Variants in EIF3L observed in about 807,000 individuals in gnomAD.
The protein encoded by EIF3L is eIEF associated protein HSPC021.
A neutral mutation model predicts 74.6 loss-of-function variants in EIF3L; 32 were observed. The observed-to-expected ratio is 0.43, with a 90% CI of 0.32 to 0.58. The LOEUF is 0.58. Ranked by LOEUF, EIF3L falls within the 20% of genes least tolerant of loss-of-function variation. The probability of loss-of-function intolerance (pLI) is 0.06; values close to 1 mark genes in which losing one functional copy is unlikely to be tolerated. For synonymous variants in EIF3L, 256 were observed against 254.4 expected (o/e 1.01, Z -0.06); for missense variants, 474 against 707.8 (o/e 0.67, Z 3.75).
chr22:37,886,621 G>C, intron 11 of EIF3L, 144 bp from the exon 12 acceptor site: 5 of 543,372 alleles, frequency 9.2e-6, no homozygotes, highest in Non-Finnish European at 1.6e-5. Flanking sequence ...CTGTTAACTG[G>C]TGGTGTTTTT....
chr22:37,855,495 T>G, intron 3 of EIF3L, 70 bp from the exon 4 acceptor site: 2 of 1,413,966 alleles, frequency 1.4e-6, no homozygotes, highest in Non-Finnish European at 2.0e-6. Context: ...TGGGTCCTCA[T>G]CTGTAAAATG....
In EIF3L at chr22:37,877,833, T is replaced by C. The variant is rs1926834301; in HGVS notation, c.1237T>C (p.Phe413Leu). Reference sequence around the variant, plus strand: ...TGACCCACAAGTCTATGAAGAACTTTTCAGTTACTCCTGCCCCAAGTTCCT... The same window carrying C: ...TGACCCACAAGTCTATGAAGAACTTCTCAGTTACTCCTGCCCCAAGTTCCT... ...KGDPQVYEEL[F>L]SYSCPKFLSP... The change falls in exon 11 of 13, where the codon TTC becomes CTC. Residue 413 changes from phenylalanine to leucine, a missense_variant. By Grantham distance (22) the Phe-to-Leu change is conservative (BLOSUM62 0). This residue lies in a region of EIF3L where 293 missense variants were observed against 469.1 expected (regional missense o/e 0.62). Coordinates refer to ENST00000652021, the MANE Select transcript of EIF3L (RefSeq NM_016091.4). 4.3e-6 allele frequency: 7 copies of C among 1,613,876 alleles called. No homozygotes were observed. The highest frequency in any genetic ancestry group is 5.9e-6 in the Non-Finnish European group (7 of 1,179,874).
At chr22:37,858,219 C>CTTTTTTTTTTTTTTTTTTTTT (rs549425262) in intron 4 of EIF3L, among the ~76,000 whole-genome samples, 2 of 85,084 alleles carry the variant, frequency 2.4e-5, no homozygotes, top group African/African-American at 4.9e-5. Flanking sequence ...TTCTTTCTTC[C>CTTTTTTTTTTTTTTTTTTTTT]TTTTTTTTTT....
chr22:37,861,942 C>A (rs1170416005), intron 5 of EIF3L, among the ~76,000 whole-genome samples: 2 of 152,144 alleles, frequency 1.3e-5, no homozygotes, highest in Non-Finnish European at 2.9e-5. Context: ...GTTTTAAGCC[C>A]TTGGGAAGCA....
chr22:37,855,459 A>G (rs1208767020), intron 3 of EIF3L, 106 bp from the exon 4 acceptor site: 1 of 993,026 alleles, frequency 1.0e-6, no homozygotes, highest in Non-Finnish European at 1.5e-6. Context: ...AGCTCTGTTT[A>G]TTTGACATCT....
At chr22:37,876,072 T>G in intron 10 of EIF3L, 61 bp downstream of exon 10, 1 of 1,548,950 alleles carries the variant, frequency 6.5e-7, no homozygotes, top group Non-Finnish European at 8.8e-7. Flanking sequence ...TTGGCACCTA[T>G]GCCAACCATT....
Position 37,870,015 on chromosome 22 carries a change from T to G in EIF3L, c.580-161T>G, listed in dbSNP as rs1926386926. 9.5e-6 allele frequency: 5 copies of G among 525,938 alleles called. No individual in the cohort carries two copies. The East Asian group carries it at 1.6e-4, about 16-fold the overall frequency. The allele number at this position is 525,938 out of a possible 1,614,324, so 32.6% of individuals were successfully genotyped here. The stretch of plus-strand genomic sequence containing the variant: ...AATTCACAGTTTAGTCAAGATGGCT[T>G]TGAAAAACAGTGTACGGAATGGTTT... On this transcript the variant is annotated intron_variant, in intron 7 of 12. Transcript: ENST00000652021.
In EIF3L at chr22:37,867,871, C is replaced by T. The variant is rs542181354; in HGVS notation, c.580-2305C>T. ...TCAGGAGGCTGAGGCAGGAGAATGG[C>T]GTGAACCCAGGAGGCGGAGCTTGCA... On this transcript the variant is annotated intron_variant, in intron 7 of 12. Transcript: ENST00000652021. 2.4e-3 allele frequency among the ~76,000 whole-genome samples: 359 copies of T among 148,432 alleles called. 2 individuals are homozygous for T. The highest frequency in any genetic ancestry group is 3.8e-3 in the Non-Finnish European group (257 of 67,446).
At chr22:37,859,174 T>A (rs1327765567) in intron 5 of EIF3L, among the ~76,000 whole-genome samples, 1 of 151,632 alleles carries the variant, frequency 6.6e-6, no homozygotes, top group East Asian at 1.9e-4. Context: ...CATATCTAAT[T>A]CTACTATCAA....
chr22:37,883,296 CAA>C (rs111310614), intron 11 of EIF3L: 12 of 38,462 alleles, frequency 3.1e-4, no homozygotes, highest in Non-Finnish European at 3.9e-4. Context: ...AACTCCGTCT[CAA>C]AAAAAAAAAA....
At chr22:37,870,905 G>T (rs1055850328) in intron 8 of EIF3L, among the ~76,000 whole-genome samples, 3 of 152,008 alleles carry the variant, frequency 2.0e-5, no homozygotes, top group African/African-American at 7.3e-5. Flanking sequence ...CAGAAGGATC[G>T]CTTGAGTCCA....
At position 37,864,729 on chromosome 22, in the gene EIF3L, G is replaced by A. The variant is rs139546471; in HGVS notation, c.579+1384G>A. 5.9e-3 allele frequency among the ~76,000 whole-genome samples: 903 copies of A among 152,172 alleles called. 6 individuals are homozygous for A. The highest frequency in any genetic ancestry group is 0.021 in the African/African-American group (871 of 41,502). ...AATTTTTGTATTTTTAGTAGAGACGGGGTTTCTCCATGTTGACCAGGCTGG... is the reference window on the plus strand; with the variant it reads ...AATTTTTGTATTTTTAGTAGAGACGAGGTTTCTCCATGTTGACCAGGCTGG... On this transcript the variant is annotated intron_variant, in intron 7 of 12. Transcript: ENST00000652021.
chr22:37,859,360 A>G (rs1331768640), intron 5 of EIF3L, among the ~76,000 whole-genome samples: 2 of 127,076 alleles, frequency 1.6e-5, no homozygotes, highest in Non-Finnish European at 3.2e-5. Context: ...TAAATTATAG[A>G]GTACGTGAAG....
At chr22:37,862,746 A>T (rs1282983554) in intron 5 of EIF3L, among the ~76,000 whole-genome samples, 1 of 152,120 alleles carries the variant, frequency 6.6e-6, no homozygotes, top group Non-Finnish European at 1.5e-5. Context: ...TCTGAGGGTC[A>T]TTTAAGGTCT....
chr22:37,871,071 T>G (rs1926443545), intron 8 of EIF3L: 1 of 151,660 alleles, frequency 6.6e-6, no homozygotes, highest in African/African-American at 2.4e-5. Context: ...AAGATTGCAG[T>G]GAACTGAGAT....
At chr22:37,853,720 A>G (rs1182255590) in intron 3 of EIF3L, among the ~76,000 whole-genome samples, 1 of 152,238 alleles carries the variant, frequency 6.6e-6, no homozygotes, top group Non-Finnish European at 1.5e-5. Flanking sequence ...ATATGTAATC[A>G]GTATTTAAAA....
intron 7 of EIF3L, among the ~76,000 whole-genome samples, chr22:37,869,199 C>T (rs889617432): frequency 5.3e-5 from 8 of 152,208 alleles, no homozygotes; most frequent in Admixed American, 3.3e-4. Flanking sequence ...CACAACCTCA[C>T]CTCACTGTAG....
At chr22:37,849,888 C>A in intron 1 of EIF3L, 127 bp from the exon 2 acceptor site, 1 of 1,010,500 alleles carries the variant, frequency 9.9e-7, no homozygotes, top group Non-Finnish European at 1.5e-6. Flanking sequence ...GTGAGTTCCT[C>A]AAAGGCAGGC....
chr22:37,857,331 C>T (rs1925574553), intron 4 of EIF3L, among the ~76,000 whole-genome samples: 1 of 123,252 alleles, frequency 8.1e-6, no homozygotes, highest in African/African-American at 3.2e-5. Context: ...GATTGCGCCA[C>T]TGGACTCCAG....
Sources: gnomAD v4.1 joint callset for allele counts (sites outside exome capture counted in the v4.1 genomes callset) on GRCh38, gnomAD v4.1.1 for gene constraint, gnomAD v4.1.1 regional missense constraint, MANE v1.5 for transcripts, NCBI Gene and HGNC (gene_info 2026-07-23, HGNC 2026-07-21) for gene names.